TP53BP1: variants seen among roughly 807,000 people sequenced by gnomAD.
The protein encoded by TP53BP1 is tumor protein p53 binding protein 1, also known as TP53-binding protein 1.
In TP53BP1, 61 loss-of-function variants were observed where a neutral mutation model predicts 200.8. That is an observed-to-expected ratio of 0.30 (90% CI 0.25 to 0.38). TP53BP1 has a LOEUF of 0.38. Among genes scored for constraint, TP53BP1 ranks in the 10% least tolerant of loss-of-function variants. TP53BP1 has a pLI of 1.00. For missense variants in TP53BP1, 2,144 were observed against 2,371.9 expected (o/e 0.90, Z 2.00); for synonymous variants, 822 against 844.3 (o/e 0.97, Z 0.46).
intron 12 of TP53BP1, among the ~76,000 whole-genome samples, chr15:43,450,889 A>G (rs1360828791): frequency 2.0e-5 from 3 of 151,940 alleles, no homozygotes; most frequent in African/African-American, 4.8e-5. Context: ...TTACTTATTT[A>G]TTTGAGACAG....
chr15:43,492,802 C>G (rs1037399663), intron 1 of TP53BP1, among the ~76,000 whole-genome samples: 4 of 150,702 alleles, frequency 2.7e-5, no homozygotes, highest in African/African-American at 4.9e-5. Context: ...TACCTCCCCC[C>G]AAAAGAATGT....
intron 12 of TP53BP1, among the ~76,000 whole-genome samples, chr15:43,451,693 T>C (rs1407585637): frequency 1.3e-5 from 2 of 152,230 alleles, no homozygotes; most frequent in Admixed American, 6.5e-5. Context: ...CCTTTGGGTA[T>C]ATACCCAGTA....
chr15:43,449,035 G>C (rs906544362), intron 12 of TP53BP1, among the ~76,000 whole-genome samples: 1 of 133,662 alleles, frequency 7.5e-6, no homozygotes, highest in South Asian at 2.2e-4. Context: ...GCTGAGGCAG[G>C]AGAACTGCTT....
chr15:43,487,001 T>C (rs1254119032), intron 4 of TP53BP1, among the ~76,000 whole-genome samples: 3 of 152,046 alleles, frequency 2.0e-5, no homozygotes, highest in African/African-American at 7.2e-5. Context: ...AAATTAAAAA[T>C]TGCTCCGTGA....
At chr15:43,486,444 A>G (rs2079048447) in intron 4 of TP53BP1, among the ~76,000 whole-genome samples, 1 of 152,188 alleles carries the variant, frequency 6.6e-6, no homozygotes, top group Non-Finnish European at 1.5e-5. Flanking sequence ...TCATTATCAG[A>G]ACTCAATTGT....
intron 24 of TP53BP1, among the ~76,000 whole-genome samples, chr15:43,412,284 G>A (rs907109551): frequency 2.0e-5 from 3 of 152,172 alleles, no homozygotes; most frequent in African/African-American, 7.2e-5. Context: ...ATGTCCAGTG[G>A]TGCAAATTAT....
intron 8 of TP53BP1, 70 bp from the exon 9 acceptor site, chr15:43,475,764 T>G (rs931904581): frequency 2.6e-6 from 4 of 1,544,038 alleles, no homozygotes; most frequent in Non-Finnish European, 1.8e-6. Context: ...CATTCAGTAC[T>G]GCAAAGAGTA....
chr15:43,434,866 T>C lies in TP53BP1; in HGVS notation c.3192-2189A>G, dbSNP rs532716906. On this transcript the variant is annotated intron_variant, in intron 16 of 27. Coordinates refer to ENST00000382044, the MANE Select transcript of TP53BP1 (RefSeq NM_001141980.3). ...GAATTTTACTTCTACAGCAATCCAA[T>C]AAATTGTAAGAAGTGCCATACCTCT... Among the ~76,000 whole-genome samples, 10 of 152,292 alleles carry C rather than the reference T, an allele frequency of 6.6e-5. No individual in the cohort carries two copies. In the East Asian group the frequency reaches 1.9e-3, roughly 29 times the overall value.
intron 13 of TP53BP1, 61 bp from the exon 14 acceptor site, chr15:43,446,651 A>G (rs2046049209): frequency 1.3e-6 from 2 of 1,584,984 alleles, no homozygotes; most frequent in Non-Finnish European, 1.7e-6. Flanking sequence ...CACAAAAAAC[A>G]GCAATTCAAG....
chr15:43,479,181 GACTT>G (rs1312545222), intron 7 of TP53BP1, among the ~76,000 whole-genome samples: 1 of 152,166 alleles, frequency 6.6e-6, no homozygotes, highest in Non-Finnish European at 1.5e-5. Flanking sequence ...AACATAGTGA[GACTT>G]TGTTTCAAAC....
chr15:43,432,690 C>T lies in TP53BP1; in HGVS notation c.3192-13G>A, dbSNP rs773033032. The T allele has an allele frequency of 1.3e-6, 2 of 1,590,398 alleles. No homozygotes were observed. Among genetic ancestry groups the T allele is most frequent in the Non-Finnish European group, 1.7e-6 (2 of 1,167,722 alleles). ...GAGCAAGTTCCCCCTGAAAATGCAA[C>T]ATATAAAGAAGCCATGTCAATTAAG... On this transcript the variant is annotated splice_polypyrimidine_tract_variant and intron_variant, in intron 16 of 27. Coordinates refer to ENST00000382044, the MANE Select transcript of TP53BP1 (RefSeq NM_001141980.3).
chr15:43,414,211 AATCCT>A, intron 23 of TP53BP1: 1 of 428,408 alleles, frequency 2.3e-6, no homozygotes, highest in Non-Finnish European at 4.8e-6. Flanking sequence ...CCAAAGTTTG[AATCCT>A]GGCTTACTTT....
chr15:43,441,496 A>G lies in TP53BP1; in HGVS notation c.3098+30T>C, dbSNP rs2045923694. The G allele has an allele frequency of 3.9e-6, 6 of 1,527,762 alleles. No homozygotes were observed. The South Asian group carries it at 4.5e-5, about 11-fold the overall frequency. 94.6% of individuals were successfully genotyped at this position (1,527,762 alleles called of 1,614,324 possible). On this transcript the variant is annotated intron_variant, in intron 15 of 27. Transcript: ENST00000382044. ...CCCTCATCACCAGTAGCTGTGTATTAAACTCTAAATAGCATCCAGCTTTGG... is the reference window on the plus strand; with the variant it reads ...CCCTCATCACCAGTAGCTGTGTATTGAACTCTAAATAGCATCCAGCTTTGG...
chr15:43,447,573 C>T (rs2046073508), intron 12 of TP53BP1, 88 bp from the exon 13 acceptor site: 7 of 1,203,612 alleles, frequency 5.8e-6, no homozygotes, highest in Non-Finnish European at 7.8e-6. Flanking sequence ...ATAATAAGAA[C>T]TGCAAGAAAT....
chr15:43,470,514 G>A (rs759293112), intron 10 of TP53BP1, among the ~76,000 whole-genome samples: 3 of 152,152 alleles, frequency 2.0e-5, no homozygotes, highest in Non-Finnish European at 4.4e-5. Context: ...TTTACGAACT[G>A]ATTATATTTG....
chr15:43,452,452 G>A lies in TP53BP1; in HGVS notation c.2716+3440C>T, dbSNP rs140392568. On this transcript the variant is annotated intron_variant, in intron 12 of 27. Coordinates refer to ENST00000382044, the MANE Select transcript of TP53BP1 (RefSeq NM_001141980.3). ...ACACGCCTGTAGTCCCGGCTTCTCG[G>A]GGCGGGGGGCTGAAGTGGGAGGATC... 5.9e-5 allele frequency among the ~76,000 whole-genome samples: 9 copies of A among 151,744 alleles called. No homozygotes were observed. The East Asian group carries it at 1.8e-3, about 30-fold the overall frequency.
intron 22 of TP53BP1, 107 bp downstream of exon 22, chr15:43,416,118 T>C (rs2045260808): frequency 8.5e-6 from 9 of 1,061,564 alleles, no homozygotes; most frequent in East Asian, 2.4e-5. Context: ...AAGCCACACA[T>C]AGGAATAATA....
chr15:43,451,288 C>T (rs939306128), intron 12 of TP53BP1, among the ~76,000 whole-genome samples: 1 of 151,974 alleles, frequency 6.6e-6, no homozygotes, highest in African/African-American at 2.4e-5. Flanking sequence ...CACCCATCAA[C>T]TCGTCATTTA....
At position 43,446,482 on chromosome 15, in the gene TP53BP1, G is replaced by A. The variant is rs377070125; in HGVS notation, c.2945C>T (p.Ala982Val). 3.2e-5 allele frequency: 51 copies of A among 1,614,010 alleles called. No homozygotes were observed. The highest frequency in any genetic ancestry group is 3.5e-5 in the Non-Finnish European group (41 of 1,180,046). The change falls in exon 14 of 28, where the codon GCT becomes GTT. Residue 982 changes from alanine to valine, a missense_variant. This residue lies in a region of TP53BP1 where 1,700 missense variants were observed against 1,710.3 expected (regional missense o/e 0.99). Coordinates refer to ENST00000382044, the MANE Select transcript of TP53BP1 (RefSeq NM_001141980.3). ...TAATTTATCATCCACGTCTGGGGCA[G>A]CCCCAGAATCCCCTTTTCCACTCCC... is the stretch of plus-strand genomic sequence containing the variant. ...ILGSGKGDSG[A>V]APDVDDKLCL...
Sources: gnomAD v4.1 joint callset for allele counts (sites outside exome capture counted in the v4.1 genomes callset) on GRCh38, gnomAD v4.1.1 for gene constraint, gnomAD v4.1.1 regional missense constraint, MANE v1.5 for transcripts, NCBI Gene and HGNC (gene_info 2026-07-23, HGNC 2026-07-21) for gene names.